CUEDC1: variants seen among roughly 807,000 people sequenced by gnomAD.
CUEDC1 encodes CUE domain-containing protein 1.
A neutral mutation model predicts 43.7 loss-of-function variants in CUEDC1; 30 were observed. The ratio of observed to expected loss-of-function variants is 0.69; its 90% CI spans 0.51 to 0.93. The LOEUF (loss-of-function observed/expected upper bound fraction) is 0.93, where lower values mean the gene tolerates loss of function less well. Among genes scored for constraint, CUEDC1 ranks in the 40% least tolerant of loss-of-function variants. The probability of loss-of-function intolerance (pLI) is 0.00; values close to 1 mark genes in which losing one functional copy is unlikely to be tolerated. For synonymous variants in CUEDC1, 223 were observed against 223.6 expected (o/e 1.00, Z 0.02); for missense variants, 486 against 549.0 (o/e 0.89, Z 1.15).
Position 57,954,391 on chromosome 17 carries a change from C to T in CUEDC1, c.-316+834G>A, listed in dbSNP as rs1362398231. The stretch of plus-strand genomic sequence containing the variant: ...CCCTCCCTCCCCTTAAAACACATTC[C>T]GTCTCAGGAATTTAATTTCAGTGTA... On this transcript the variant is annotated intron_variant, in intron 1 of 10. Coordinates refer to ENST00000577830, the MANE Select transcript of CUEDC1 (RefSeq NM_001271875.2). The surrounding 1 kb of genome is among the most constrained non-coding windows in gnomAD (Gnocchi z 4.3). Among the ~76,000 whole-genome samples, 5 of 152,302 alleles carry T rather than the reference C, an allele frequency of 3.3e-5. No homozygotes were observed. The East Asian group carries it at 9.6e-4, about 29-fold the overall frequency.
At chr17:57,918,283 C>T (rs1305135021) in intron 1 of CUEDC1, among the ~76,000 whole-genome samples, 1 of 152,226 alleles carries the variant, frequency 6.6e-6, no homozygotes, top group Non-Finnish European at 1.5e-5. Flanking sequence ...GCTCCACTTC[C>T]TGTGCTTCTT....
In CUEDC1 at chr17:57,885,804, G is replaced by C; in HGVS notation, c.-240C>G. 4.7e-6 allele frequency: 2 copies of C among 425,764 alleles called. No homozygotes were observed. Among genetic ancestry groups the C allele is most frequent in the Non-Finnish European group, 7.6e-6 (2 of 261,592 alleles). The allele number at this position is 425,764 out of a possible 1,614,324, so 26.4% of individuals were successfully genotyped here. ...TCGCGGGGCGGTGGCATGCGGGACC[G>C]GGCCGTGCTGGGGCTGGGCGGCCGG... On this transcript the variant is annotated 5_prime_UTR_variant, in exon 2 of 11. Coordinates refer to ENST00000577830, the MANE Select transcript of CUEDC1 (RefSeq NM_001271875.2).
chr17:57,882,037 G>C (rs1005640796), intron 2 of CUEDC1, among the ~76,000 whole-genome samples: 1 of 152,194 alleles, frequency 6.6e-6, no homozygotes, highest in African/African-American at 2.4e-5. Flanking sequence ...TTTGGGCTCT[G>C]CAGCCTCCTG....
intron 1 of CUEDC1, among the ~76,000 whole-genome samples, chr17:57,909,913 AC>A: frequency 6.6e-6 from 1 of 152,350 alleles, no homozygotes; most frequent in South Asian, 2.1e-4. Flanking sequence ...AGAGAACCCA[AC>A]GGTCAGGCTG....
chr17:57,894,220 C>A (rs2074385886), intron 1 of CUEDC1, among the ~76,000 whole-genome samples: 1 of 152,190 alleles, frequency 6.6e-6, no homozygotes, highest in African/African-American at 2.4e-5. Flanking sequence ...AGCAGAGCTG[C>A]CGGCAGGGGT....
chr17:57,888,656 C>T (rs1431446936), intron 1 of CUEDC1, among the ~76,000 whole-genome samples: 1 of 152,254 alleles, frequency 6.6e-6, no homozygotes, highest in Admixed American at 6.5e-5. Flanking sequence ...TGGGCTCCAC[C>T]CTGACAGCTG....
intron 1 of CUEDC1, among the ~76,000 whole-genome samples, chr17:57,897,600 G>T (rs1480734688): frequency 6.6e-6 from 1 of 151,194 alleles, no homozygotes; most frequent in African/African-American, 2.4e-5. Flanking sequence ...AACCCAGGAG[G>T]CGGAGCTTGC....
chr17:57,871,415 C>T lies in CUEDC1; in HGVS notation c.785-46G>A, dbSNP rs766431399. ...CAGGTCAGGGAGGTTAGCTCCTGGG[C>T]TCCCAGGGGCAGGCTGGGCTGGGAC... On this transcript the variant is annotated intron_variant, in intron 5 of 10. Coordinates refer to ENST00000577830, the MANE Select transcript of CUEDC1 (RefSeq NM_001271875.2). 1.2e-5 allele frequency: 18 copies of T among 1,515,364 alleles called. No homozygotes were observed. The Admixed American group carries it at 2.7e-4, about 23-fold the overall frequency. 93.9% of individuals were successfully genotyped at this position (1,515,364 alleles called of 1,614,324 possible).
chr17:57,880,292 C>T (rs1227198599), intron 2 of CUEDC1, among the ~76,000 whole-genome samples: 1 of 152,214 alleles, frequency 6.6e-6, no homozygotes, highest in Non-Finnish European at 1.5e-5. Flanking sequence ...CTCATCTTAA[C>T]CTCGAACAAC....
chr17:57,883,457 C>T (rs775757589), intron 2 of CUEDC1, among the ~76,000 whole-genome samples: 4 of 152,228 alleles, frequency 2.6e-5, no homozygotes, highest in Non-Finnish European at 5.9e-5. Flanking sequence ...GGTGCAGTGG[C>T]TCATGCCTGT....
intron 1 of CUEDC1, among the ~76,000 whole-genome samples, chr17:57,895,127 C>T (rs112724506): frequency 0.13 from 19,688 of 152,236 alleles, 1,548 homozygotes; most frequent in Non-Finnish European, 0.17. Context: ...CTTCATCCTC[C>T]CTACAGCTCT....
intron 2 of CUEDC1, 110 bp downstream of exon 2, chr17:57,885,119 G>T (rs1045581758): frequency 1.0e-5 from 15 of 1,459,060 alleles, no homozygotes; most frequent in East Asian, 7.6e-5. Flanking sequence ...GAGTAACCCA[G>T]GTCCTCTTAG....
intron 1 of CUEDC1, among the ~76,000 whole-genome samples, chr17:57,902,743 G>A (rs1041568821): frequency 2.6e-5 from 4 of 152,194 alleles, no homozygotes; most frequent in Admixed American, 1.3e-4. Context: ...GAAAGTCCCC[G>A]AACGCTTTGC....
At position 57,872,756 on chromosome 17, in the gene CUEDC1, G is replaced by T; in HGVS notation, c.691C>A (p.Leu231Met). ...GDQESRWKQY[L>M]EDERIALFLQ... The stretch of plus-strand genomic sequence containing the variant: ...AAAAGCGCGATCCTCTCGTCCTCCA[G>T]GTACTGCTTCCAGCGGCTCTCCTGG... The change falls in exon 5 of 11, where the codon CTG becomes ATG. Residue 231 changes from leucine to methionine, a missense_variant. Leu to Met is a conservative substitution (Grantham distance 15, BLOSUM62 2). Transcript: ENST00000577830. 1 of 1,614,192 alleles carries T rather than the reference G, an allele frequency of 6.2e-7. No homozygotes were observed. The highest frequency in any genetic ancestry group is 8.5e-7 in the Non-Finnish European group (1 of 1,180,032).
rs76538834 is a variant in CUEDC1 at position 57,934,605 on chromosome 17, T to G, written c.-316+20620A>C. On this transcript the variant is annotated intron_variant, in intron 1 of 10. Coordinates refer to ENST00000577830, the MANE Select transcript of CUEDC1 (RefSeq NM_001271875.2). ...AAAAAAAGGAAAGAAAGACAATATT[T>G]GGATATGAACCCCTATCTTTTTTAA... Among the ~76,000 whole-genome samples the G allele has an allele frequency of 6.1e-3, 919 of 150,526 alleles. 12 individuals are homozygous for G. Among genetic ancestry groups the G allele is most frequent in the African/African-American group, 0.02 (820 of 40,850 alleles).
chr17:57,912,917 A>G (rs1473041739), intron 1 of CUEDC1, among the ~76,000 whole-genome samples: 1 of 152,128 alleles, frequency 6.6e-6, no homozygotes, highest in East Asian at 1.9e-4. Context: ...GTCATAGCTC[A>G]TCGTAGCCTC....
At chr17:57,934,564 A>ACT (rs2143173636) in intron 1 of CUEDC1, among the ~76,000 whole-genome samples, 1 of 127,180 alleles carries the variant, frequency 7.9e-6, no homozygotes, top group South Asian at 2.3e-4. Context: ...CTCTCTAAAA[A>ACT]AAAAAAAAAA....
intron 3 of CUEDC1, among the ~76,000 whole-genome samples, chr17:57,879,102 C>T (rs2074168739): frequency 6.6e-6 from 1 of 152,198 alleles, no homozygotes; most frequent in Non-Finnish European, 1.5e-5. Flanking sequence ...CTTAAAAATC[C>T]TCACAATATC....
At chr17:57,899,304 C>T (rs549417384) in intron 1 of CUEDC1, among the ~76,000 whole-genome samples, 4 of 152,306 alleles carry the variant, frequency 2.6e-5, no homozygotes, top group East Asian at 1.9e-4. Context: ...GCCCCTGCTC[C>T]GCCTGTGTAG....
Sources: allele counts gnomAD v4.1 joint callset (sites outside exome capture counted in the v4.1 genomes callset), GRCh38; gene constraint gnomAD v4.1.1; non-coding constraint Gnocchi (gnomAD v3.1); transcripts MANE v1.5; gene names NCBI Gene and HGNC (gene_info 2026-07-23, HGNC 2026-07-21).